Variants in SMIM7 observed in about 807,000 individuals in gnomAD.
SMIM7 encodes small integral membrane protein 7.
A neutral mutation model predicts 13.3 loss-of-function variants in SMIM7; 12 were observed. The ratio of observed to expected loss-of-function variants is 0.90; its 90% confidence interval spans 0.58 to 1.46. The LOEUF is 1.46. Among genes scored for constraint, SMIM7 ranks in the 40% most tolerant of loss-of-function variants. SMIM7 has a pLI of 0.00. For missense variants in SMIM7, 114 were observed against 94.8 expected (o/e 1.20, Z -0.84); for synonymous variants, 36 against 35.8 (o/e 1.01, Z -0.02).
intron 4 of SMIM7, among the ~76,000 whole-genome samples, chr19:16,639,337 T>C (rs994783746): frequency 6.6e-6 from 1 of 152,052 alleles, no homozygotes; most frequent in Non-Finnish European, 1.5e-5. Flanking sequence ...TTAGCCAGGA[T>C]GGTCTCGATC....
chr19:16,648,081 A>G (rs1241135804), intron 4 of SMIM7, among the ~76,000 whole-genome samples: 1 of 152,216 alleles, frequency 6.6e-6, no homozygotes, highest in Non-Finnish European at 1.5e-5. Context: ...ATTTCTTACT[A>G]TAATACCCAA....
intron 4 of SMIM7, among the ~76,000 whole-genome samples, chr19:16,647,581 G>A (rs1204660226): frequency 1.3e-5 from 2 of 148,914 alleles, no homozygotes; most frequent in Non-Finnish European, 3.0e-5. Context: ...TCAACCTGCT[G>A]AGTAGCTGCA....
intron 4 of SMIM7, among the ~76,000 whole-genome samples, chr19:16,639,306 T>C (rs1226341290): frequency 6.6e-6 from 1 of 151,938 alleles, no homozygotes; most frequent in Non-Finnish European, 1.5e-5. Context: ...GTATTTTTAG[T>C]AGAGACGGGG....
intron 4 of SMIM7, among the ~76,000 whole-genome samples, chr19:16,637,181 G>A (rs570620906): frequency 2.6e-5 from 4 of 152,274 alleles, no homozygotes; most frequent in East Asian, 1.9e-4. Context: ...AGTGTGGTCC[G>A]TGGACCAGCA....
downstream of SMIM7, chr19:16,640,820 C>T: frequency 6.6e-6 from 1 of 152,286 alleles, no homozygotes; most frequent in Non-Finnish European, 1.5e-5. Context: ...GTAGTCCCAG[C>T]TACTTGGGAG....
At position 16,659,940 on chromosome 19, in the gene SMIM7, C is replaced by T. The variant is rs375989684; in HGVS notation, c.68+19G>A. 20 of 1,605,706 alleles carry T rather than the reference C, an allele frequency of 1.2e-5. No homozygotes were observed. Among genetic ancestry groups the T allele is most frequent in the African/African-American group, 2.7e-5 (2 of 74,730 alleles). On this transcript the variant is annotated intron_variant, in intron 2 of 4. Transcript: ENST00000487416. ...CGGGTTCCCCGGATGGAGCCGCAGT[C>T]CGGCCGCGACCTACTCACAGCTTAA...
At chr19:16,660,060 C>G in intron 1 of SMIM7, 25 bp downstream of exon 1, 1 of 1,614,188 alleles carries the variant, frequency 6.2e-7, no homozygotes, top group East Asian at 2.2e-5. Context: ...GCTCTCTCTT[C>G]CCAGCCTCTG....
chr19:16,652,765 G>A, intron 4 of SMIM7: 1 of 1,498,966 alleles, frequency 6.7e-7, no homozygotes. Flanking sequence ...CAATCACTCA[G>A]GACAGACAAC....
At chr19:16,639,260 T>C (rs767837516) in intron 4 of SMIM7, among the ~76,000 whole-genome samples, 24 of 151,712 alleles carry the variant, frequency 1.6e-4, no homozygotes, top group Non-Finnish European at 2.5e-4. Context: ...GTAGCTGGGA[T>C]TATAGGCGCC....
chr19:16,652,698 C>T (rs970710080), intron 4 of SMIM7: 48 of 1,426,268 alleles, frequency 3.4e-5, no homozygotes, highest in Non-Finnish European at 4.1e-5. Flanking sequence ...GAAGCATCTT[C>T]GCAAACAGCC....
intron 4 of SMIM7, among the ~76,000 whole-genome samples, chr19:16,648,652 T>C (rs1208011686): frequency 6.6e-6 from 1 of 152,096 alleles, no homozygotes; most frequent in Non-Finnish European, 1.5e-5. Context: ...GGTGGACAAA[T>C]GGCCAATAGG....
chr19:16,657,128 G>A (rs1040747135), intron 3 of SMIM7, among the ~76,000 whole-genome samples: 8 of 152,118 alleles, frequency 5.3e-5, no homozygotes, highest in African/African-American at 1.9e-4. Context: ...ACACTGCCTG[G>A]CACGCATGAC....
chr19:16,659,125 A>T (rs985367244), intron 3 of SMIM7: 2 of 513,010 alleles, frequency 3.9e-6, no homozygotes, highest in Admixed American at 6.5e-5. Flanking sequence ...TCTACAAAAA[A>T]TACAAAATTT....
downstream of SMIM7, among the ~76,000 whole-genome samples, chr19:16,644,118 GTTTTTT>G (rs557600997): frequency 0.018 from 1,506 of 85,430 alleles, 23 homozygotes; most frequent in African/African-American, 0.071. Flanking sequence ...AATTGTTTGC[GTTTTTT>G]TTTTTTTTTT....
chr19:16,656,928 C>G (rs2086604153), intron 3 of SMIM7, among the ~76,000 whole-genome samples: 1 of 151,752 alleles, frequency 6.6e-6, no homozygotes, highest in African/African-American at 2.4e-5. Context: ...AAACAAAAAA[C>G]AGGCTTTCTG....
chr19:16,634,119 G>A (rs912547612), intron 4 of SMIM7: 1 of 152,190 alleles, frequency 6.6e-6, no homozygotes, highest in African/African-American at 2.4e-5. Flanking sequence ...CTATTAGGCA[G>A]ACTAATAGAT....
chr19:16,631,887 T>C (rs113706667), intron 4 of SMIM7, among the ~76,000 whole-genome samples: 1 of 151,240 alleles, frequency 6.6e-6, no homozygotes, highest in Non-Finnish European at 1.5e-5. Context: ...TTTTTTTTTT[T>C]TTCGAGAGAG....
chr19:16,646,699 A>T lies in SMIM7; in HGVS notation c.*547T>A, dbSNP rs1448327310. ...GAACTAGCTCAACACTCTTGCTAAC[A>T]ATTTAGTGTCTATACAGGAAGGCTG... is the stretch of plus-strand genomic sequence containing the variant. On this transcript the variant is annotated 3_prime_UTR_variant, in exon 5 of 5. Transcript: ENST00000487416. 6.3e-6 allele frequency: 1 copy of T among 158,226 alleles called. No homozygotes were observed. The highest frequency in any genetic ancestry group is 1.4e-5 in the Non-Finnish European group (1 of 70,384). 9.8% of individuals were successfully genotyped at this position (158,226 alleles called of 1,614,324 possible). A position where few individuals can be genotyped will look rare whatever the true frequency, so the allele number is the denominator to read the frequency against.
At position 16,660,019 on chromosome 19, in the gene SMIM7, A is replaced by T; in HGVS notation, c.27-19T>A. On this transcript the variant is annotated intron_variant, in intron 1 of 4. Coordinates refer to ENST00000487416, the MANE Select transcript of SMIM7 (RefSeq NM_024104.4). ...CAACGTCCTGCAGAGGGAGAATTAC[A>T]GTTACTAGGGGCGCCCCCGCGTCCT... 1 of 1,613,968 alleles carries T rather than the reference A, an allele frequency of 6.2e-7. No homozygotes were observed. The highest frequency in any genetic ancestry group is 2.2e-5 in the East Asian group (1 of 44,864).
Sources: allele counts gnomAD v4.1 joint callset (sites outside exome capture counted in the v4.1 genomes callset), GRCh38; gene constraint gnomAD v4.1.1; transcripts MANE v1.5; gene names NCBI Gene and HGNC (gene_info 2026-07-23, HGNC 2026-07-21).